CADM1: variants seen among roughly 807,000 people sequenced by gnomAD.
The protein encoded by CADM1 is TSLC-1.
Under a neutral mutation model 53.1 loss-of-function variants are expected in CADM1, and 15 were observed. The observed-to-expected ratio is 0.28, with a 90% CI of 0.19 to 0.44. The LOEUF (loss-of-function observed/expected upper bound fraction) is 0.44, where lower values mean the gene tolerates loss of function less well. Ranked by LOEUF, CADM1 falls within the 20% of genes least tolerant of loss-of-function variation. The pLI is 1.00. For synonymous variants in CADM1, 281 were observed against 243.0 expected (o/e 1.16, Z -1.45); for missense variants, 434 against 611.3 (o/e 0.71, Z 3.06).
intron 1 of CADM1, among the ~76,000 whole-genome samples, chr11:115,333,294 C>T (rs915550276): frequency 6.6e-6 from 1 of 152,158 alleles, no homozygotes; most frequent in Non-Finnish European, 1.5e-5. Context: ...GCTCCCAGTG[C>T]CTACAGGATG....
chr11:115,365,750 ATTCT>A (rs1946140867), intron 1 of CADM1, among the ~76,000 whole-genome samples: 2 of 152,182 alleles, frequency 1.3e-5, no homozygotes, highest in South Asian at 2.1e-4. Flanking sequence ...TAAAAAAAAA[ATTCT>A]TTGTTTAAAC....
chr11:115,214,041 G>C (rs1941072965), intron 7 of CADM1, among the ~76,000 whole-genome samples: 1 of 145,742 alleles, frequency 6.9e-6, no homozygotes, highest in African/African-American at 2.4e-5. Flanking sequence ...TAATAATCCT[G>C]TAAAATGATA....
chr11:115,297,914 A>C (rs1256261895), intron 1 of CADM1, among the ~76,000 whole-genome samples: 1 of 152,224 alleles, frequency 6.6e-6, no homozygotes, highest in Non-Finnish European at 1.5e-5. Flanking sequence ...GCAGAGCTAA[A>C]TGTCATTCAT....
At chr11:115,262,864 C>T (rs1212737145) in intron 1 of CADM1, among the ~76,000 whole-genome samples, 1 of 151,582 alleles carries the variant, frequency 6.6e-6, no homozygotes, top group Non-Finnish European at 1.5e-5. Context: ...AAAAATAATG[C>T]AAAAAGTTAT....
chr11:115,324,540 A>G (rs1410672166), intron 1 of CADM1, among the ~76,000 whole-genome samples: 5 of 152,102 alleles, frequency 3.3e-5, no homozygotes, highest in Admixed American at 6.5e-5. Flanking sequence ...ACAGACAGAG[A>G]CCTTAAAAAG....
chr11:115,418,553 A>T (rs904318026), intron 1 of CADM1, among the ~76,000 whole-genome samples: 6 of 151,894 alleles, frequency 4.0e-5, no homozygotes, highest in Admixed American at 6.6e-5. Flanking sequence ...TTATATATTT[A>T]AAAAAAATTC....
chr11:115,310,772 A>G (rs1944513149), intron 1 of CADM1, among the ~76,000 whole-genome samples: 1 of 152,184 alleles, frequency 6.6e-6, no homozygotes, highest in Admixed American at 6.6e-5. Flanking sequence ...AGATCTTAGA[A>G]AGAATAGAAA....
chr11:115,279,593 C>T (rs575376284), intron 1 of CADM1, among the ~76,000 whole-genome samples: 1 of 152,262 alleles, frequency 6.6e-6, no homozygotes, highest in Non-Finnish European at 1.5e-5. Flanking sequence ...GAACTCTTCC[C>T]TTTTCTAAAG....
chr11:115,407,214 G>A (rs1288405253), intron 1 of CADM1, among the ~76,000 whole-genome samples: 1 of 152,086 alleles, frequency 6.6e-6, no homozygotes, highest in Non-Finnish European at 1.5e-5. Context: ...TCACCTCTTC[G>A]CTGAACTTTT....
chr11:115,193,030 A>G (rs1180029782), intron 9 of CADM1, among the ~76,000 whole-genome samples: 5 of 152,246 alleles, frequency 3.3e-5, no homozygotes, highest in Admixed American at 6.5e-5. Context: ...AATAAATATA[A>G]TTCAAAAGAA....
chr11:115,335,821 AATGGTTCATTAGG>A (rs1945253489), intron 1 of CADM1, among the ~76,000 whole-genome samples: 1 of 152,154 alleles, frequency 6.6e-6, no homozygotes, highest in African/African-American at 2.4e-5. Flanking sequence ...AAGAAAAGTC[AATGGTTCATTAGG>A]AAGCTGTCAA....
intron 1 of CADM1, among the ~76,000 whole-genome samples, chr11:115,242,693 C>T (rs1309086987): frequency 6.6e-6 from 1 of 152,154 alleles, no homozygotes; most frequent in Non-Finnish European, 1.5e-5. Context: ...GGAGGGATTT[C>T]TTCTATCAAA....
At chr11:115,186,153 C>T (rs1939536684) in intron 10 of CADM1, among the ~76,000 whole-genome samples, 1 of 152,164 alleles carries the variant, frequency 6.6e-6, no homozygotes, top group Non-Finnish European at 1.5e-5. Context: ...CTTCAGTCTA[C>T]TGCCTTGTAT....
chr11:115,291,544 CA>C (rs1383727310), intron 1 of CADM1, among the ~76,000 whole-genome samples: 3 of 152,208 alleles, frequency 2.0e-5, no homozygotes. Context: ...CGCTCAGTAG[CA>C]TGACCTTTCA....
intron 1 of CADM1, chr11:115,363,601 A>T (rs1418683326): frequency 6.6e-6 from 1 of 152,206 alleles, no homozygotes; most frequent in Admixed American, 6.5e-5. Context: ...GCTTAAGATA[A>T]ACAGAAATTT....
At chr11:115,179,887 A>G (rs1939228226) in intron 10 of CADM1, among the ~76,000 whole-genome samples, 1 of 152,198 alleles carries the variant, frequency 6.6e-6, no homozygotes, top group African/African-American at 2.4e-5. Flanking sequence ...TCAGTACAAG[A>G]AGCACATGGC....
chr11:115,445,352 G>A (rs747479001), intron 1 of CADM1, among the ~76,000 whole-genome samples: 15 of 152,098 alleles, frequency 9.9e-5, no homozygotes, highest in African/African-American at 2.4e-4. Flanking sequence ...TAACTGGCTC[G>A]TGCCTCAGTT....
intron 1 of CADM1, among the ~76,000 whole-genome samples, chr11:115,478,533 A>T (rs1445715165): frequency 1.3e-5 from 2 of 152,110 alleles, no homozygotes; most frequent in African/African-American, 4.8e-5. Flanking sequence ...ATTTCAACTG[A>T]TCTTTTTAGA....
intron 1 of CADM1, among the ~76,000 whole-genome samples, chr11:115,254,624 A>G (rs1942722667): frequency 6.6e-6 from 1 of 151,728 alleles, no homozygotes; most frequent in Non-Finnish European, 1.5e-5. Context: ...TGTAAGTCAC[A>G]AGTTACTAAT....
Sources: allele counts gnomAD v4.1 joint callset (sites outside exome capture counted in the v4.1 genomes callset), GRCh38; gene constraint gnomAD v4.1.1; transcripts MANE v1.5; gene names NCBI Gene and HGNC (gene_info 2026-07-23, HGNC 2026-07-21).